The following ZNF329 variants were observed in gnomAD, a reference collection of about 807,000 sequenced individuals.
The protein encoded by ZNF329 is zinc finger protein 329.
ZNF329 carries 15 observed loss-of-function variants against 26.6 expected under a neutral mutation model. The ratio of observed to expected loss-of-function variants is 0.56; its 90% confidence interval spans 0.38 to 0.87. The LOEUF (loss-of-function observed/expected upper bound fraction) is 0.87. ZNF329 is among the 40% of genes least tolerant of loss of function. ZNF329 has a pLI of 0.00. For synonymous variants in ZNF329, 239 were observed against 233.5 expected, an observed-to-expected ratio of 1.02 and a Z score of -0.21; for missense variants, 651 against 651.9, an observed-to-expected ratio of 1.00 and a Z score of 0.02.
chr19:58,141,332 T>C (rs568406797), intron 3 of ZNF329, among the ~76,000 whole-genome samples: 1 of 151,348 alleles, frequency 6.6e-6, no homozygotes, highest in African/African-American at 2.4e-5. Flanking sequence ...AGAGTCTCGC[T>C]GTGTTGCCCA....
intron 3 of ZNF329, among the ~76,000 whole-genome samples, chr19:58,136,561 C>T (rs1257812058): frequency 6.6e-6 from 1 of 151,324 alleles, no homozygotes. Flanking sequence ...GCCTTTAGTC[C>T]CAGGTAGTTG....
intron 1 of ZNF329, among the ~76,000 whole-genome samples, chr19:58,146,920 A>G (rs868697503): frequency 0.035 from 5,273 of 151,370 alleles, 337 homozygotes; most frequent in African/African-American, 0.12. Flanking sequence ...CCTCCCAGCC[A>G]CCTGCCTTGG....
chr19:58,127,786 T>C lies in ZNF329; in HGVS notation c.*92A>G. Reference sequence around the variant, plus strand: ...ATTCACTGGATAGCTTAAAGGATTCTTTTCTACTGACCAGAGAGGAGTCAG... The same window carrying C: ...ATTCACTGGATAGCTTAAAGGATTCCTTTCTACTGACCAGAGAGGAGTCAG... On this transcript the variant is annotated 3_prime_UTR_variant, in exon 4 of 4. Transcript: ENST00000598312. 7.9e-7 allele frequency: 1 copy of C among 1,263,042 alleles called. No individual in the cohort carries two copies. Among genetic ancestry groups the C allele is most frequent in the South Asian group, 1.5e-5 (1 of 67,306 alleles). 78.2% of individuals were successfully genotyped at this position (1,263,042 alleles called of 1,614,324 possible).
At position 58,128,861 on chromosome 19, in the gene ZNF329, T is replaced by C; in HGVS notation, c.643A>G (p.Asn215Asp). 1 of 1,612,866 alleles carries C rather than the reference T, an allele frequency of 6.2e-7. No homozygotes were observed. The highest frequency in any genetic ancestry group is 8.5e-7 in the Non-Finnish European group (1 of 1,179,620). Residue 215 changes from asparagine (N) to aspartate (D), a missense_variant, in exon 4 of 4, where the codon AAC (asparagine) becomes GAC (aspartate). Asn to Asp is a conservative substitution (Grantham distance 23). Coordinates refer to ENST00000598312, the MANE Select transcript of ZNF329 (RefSeq NM_024620.4). The stretch of plus-strand genomic sequence containing the variant: ...CGGTGATGCAAAACAAGAGAAGAGT[T>C]CCGTTTGAAGCATTTGCCACATTCA... Reference protein sequence around the residue: ...CTECGKCFKRNSSLVLHHRTH... With the variant: ...CTECGKCFKRDSSLVLHHRTH...
chr19:58,144,260 C>T (rs1012414934), intron 1 of ZNF329, among the ~76,000 whole-genome samples: 3 of 151,066 alleles, frequency 2.0e-5, no homozygotes, highest in Non-Finnish European at 4.4e-5. Flanking sequence ...CTGCAACCTC[C>T]GCCTCCTGGG....
chr19:58,143,496 G>A (rs988945729), intron 1 of ZNF329, among the ~76,000 whole-genome samples: 3 of 152,124 alleles, frequency 2.0e-5, no homozygotes, highest in Admixed American at 6.6e-5. Flanking sequence ...AAAGAAGAGA[G>A]GAAAAAGAGC....
intron 1 of ZNF329, among the ~76,000 whole-genome samples, chr19:58,145,904 C>T (rs75576353): frequency 0.037 from 5,560 of 149,068 alleles, 358 homozygotes; most frequent in African/African-American, 0.13. Flanking sequence ...CTGCCAAAGA[C>T]GAGAGTCTGA....
chr19:58,134,915 AAC>A (rs1438646339), intron 3 of ZNF329, among the ~76,000 whole-genome samples: 4 of 152,142 alleles, frequency 2.6e-5, no homozygotes, highest in Non-Finnish European at 5.9e-5. Context: ...CAGCCTGGGC[AAC>A]AGAGCAAAAC....
At chr19:58,152,531 A>T (rs920683967), upstream of ZNF329, among the ~76,000 whole-genome samples, 1 of 152,106 alleles carries the variant, frequency 6.6e-6, no homozygotes, top group African/African-American at 2.4e-5. Context: ...CTTAAAGATC[A>T]TATGGAGAAA....
upstream of ZNF329, among the ~76,000 whole-genome samples, chr19:58,151,385 A>T (rs2075449384): frequency 6.6e-6 from 1 of 152,066 alleles, no homozygotes; most frequent in Admixed American, 6.6e-5. Context: ...GGGCTCACCT[A>T]AGGTCAGGAG....
chr19:58,142,904 G>C (rs1312606752), intron 2 of ZNF329, among the ~76,000 whole-genome samples: 1 of 152,164 alleles, frequency 6.6e-6, no homozygotes, highest in East Asian at 1.9e-4. Flanking sequence ...GTGCCAGCAG[G>C]AAGTTCAAAC....
At position 58,147,768 on chromosome 19, in the gene ZNF329, TG is replaced by T. The variant is rs1174923944; in HGVS notation, c.-208+2983del. ...CCAGCCGCCCCGTCCGGGAGGGAGG[TG>T]GGGGGGGTCAGCCCCCCCACCCGGC... On this transcript the variant is annotated intron_variant, in intron 1 of 3. Coordinates refer to ENST00000598312, the MANE Select transcript of ZNF329 (RefSeq NM_024620.4). 1.1e-3 allele frequency among the ~76,000 whole-genome samples: 19 copies of T among 17,336 alleles called. 1 individual carries two copies. The highest frequency in any genetic ancestry group is 2.5e-3 in the South Asian group (1 of 402). 11.4% of individuals were successfully genotyped at this position (17,336 alleles called of 152,430 possible). A position where few individuals can be genotyped will look rare whatever the true frequency, so the allele number is the denominator to read the frequency against.
chr19:58,140,658 G>A (rs540911895), intron 3 of ZNF329, among the ~76,000 whole-genome samples: 11 of 151,394 alleles, frequency 7.3e-5, no homozygotes, highest in Non-Finnish European at 1.2e-4. Context: ...CTCGTGATCC[G>A]CCCACCCCGG....
chr19:58,144,396 A>ATATTTTTTTTT (rs756544055), intron 1 of ZNF329, among the ~76,000 whole-genome samples: 1 of 127,662 alleles, frequency 7.8e-6, no homozygotes, highest in African/African-American at 3.0e-5. Flanking sequence ...ATATATATAT[A>ATATTTTTTTTT]TTTTTTTTTT....
intron 3 of ZNF329, 116 bp from the exon 4 acceptor site, chr19:58,129,627 T>C (rs2074893148): frequency 1.1e-6 from 1 of 952,296 alleles, no homozygotes; most frequent in Non-Finnish European, 1.5e-6. Context: ...TTTTCTCTTT[T>C]AAATTCAAAT....
At position 58,127,617 on chromosome 19, in the gene ZNF329, C is replaced by T. The variant is rs937908602; in HGVS notation, c.*261G>A. On this transcript the variant is annotated 3_prime_UTR_variant, in exon 4 of 4. Transcript: ENST00000598312. Reference sequence around the variant, plus strand: ...CTGTGGTGTCACCCCCATGTTTGCACATTTCATTCCAGTGTGTGTGTTGTC... The same window carrying T: ...CTGTGGTGTCACCCCCATGTTTGCATATTTCATTCCAGTGTGTGTGTTGTC... The T allele has an allele frequency of 1.3e-5, 5 of 381,786 alleles. No individual in the cohort carries two copies. Among genetic ancestry groups the T allele is most frequent in the Non-Finnish European group, 1.9e-5 (4 of 213,276 alleles). The allele number at this position is 381,786 out of a possible 1,614,324, so 23.6% of individuals were successfully genotyped here.
At chr19:58,132,500 G>A (rs904012241) in intron 3 of ZNF329, 1 of 152,048 alleles carries the variant, frequency 6.6e-6, no homozygotes, top group Non-Finnish European at 1.5e-5. Context: ...GACCAGCCTG[G>A]GCAACTATGT....
chr19:58,150,557 C>T (rs2146144747), intron 1 of ZNF329, among the ~76,000 whole-genome samples, 195 bp downstream of exon 1: 1 of 152,360 alleles, frequency 6.6e-6, no homozygotes, highest in South Asian at 2.1e-4. Context: ...ACGGAGCGTC[C>T]CCACCCACCA....
chr19:58,152,757 T>G (rs1427885866), upstream of ZNF329, among the ~76,000 whole-genome samples: 5 of 152,130 alleles, frequency 3.3e-5, no homozygotes, highest in East Asian at 9.7e-4. Flanking sequence ...CTCCGGAGGC[T>G]GAGGCAGGAG....
Sources: allele counts gnomAD v4.1 joint callset (sites outside exome capture counted in the v4.1 genomes callset), GRCh38; gene constraint gnomAD v4.1.1; transcripts MANE v1.5; gene names NCBI Gene and HGNC (gene_info 2026-07-23, HGNC 2026-07-21).